Variants in SFMBT2 observed in about 807,000 individuals in gnomAD.
SFMBT2 encodes the protein Scm like with four mbt domains 2.
SFMBT2 carries 38 observed loss-of-function variants against 110.1 expected under a neutral mutation model. The observed-to-expected ratio is 0.35, with a 90% CI of 0.27 to 0.45. The LOEUF is 0.45. Ranked by LOEUF, SFMBT2 falls within the 20% of genes least tolerant of loss-of-function variation. The pLI is 1.00. For missense variants in SFMBT2, 1,011 were observed against 1,094.9 expected (o/e 0.92, Z 1.08); for synonymous variants, 425 against 425.4 (o/e 1.00, Z 0.01).
intron 4 of SFMBT2, among the ~76,000 whole-genome samples, chr10:7,309,635 T>C (rs1479102240): frequency 6.6e-6 from 1 of 150,974 alleles, no homozygotes; most frequent in Non-Finnish European, 1.5e-5. Flanking sequence ...TGTGCTGACC[T>C]GTCGCAGCAG....
chr10:7,207,183 C>T (rs995638387), intron 11 of SFMBT2, among the ~76,000 whole-genome samples: 7 of 151,982 alleles, frequency 4.6e-5, no homozygotes, highest in Non-Finnish European at 8.8e-5. Flanking sequence ...AACATGAAGA[C>T]ACCTTGTCTC....
In SFMBT2 at chr10:7,367,934, C is replaced by A; in HGVS notation, c.196-45G>T. The A allele has an allele frequency of 1.3e-6, 2 of 1,592,756 alleles. No individual in the cohort carries two copies. Among genetic ancestry groups the A allele is most frequent in the African/African-American group, 1.3e-5 (1 of 74,178 alleles). Reference sequence around the variant, plus strand: ...AGAAAACCCATTACTACACTAGACACAATACATCCAGAAGATGACAAAAAC... The same window carrying A: ...AGAAAACCCATTACTACACTAGACAAAATACATCCAGAAGATGACAAAAAC... On this transcript the variant is annotated intron_variant, in intron 3 of 20. Transcript: ENST00000397167. This position sits in a 1 kb window ranked among gnomAD's most constrained non-coding sequence, Gnocchi z 6.2.
chr10:7,386,732 G>C (rs1845617673), intron 1 of SFMBT2, among the ~76,000 whole-genome samples: 1 of 152,204 alleles, frequency 6.6e-6, no homozygotes, highest in South Asian at 2.1e-4. Context: ...CCAAAGAGAA[G>C]AAATGGAAGT....
chr10:7,346,767 C>T (rs1023425248), intron 4 of SFMBT2, among the ~76,000 whole-genome samples: 8 of 145,884 alleles, frequency 5.5e-5, no homozygotes, highest in Admixed American at 1.4e-4. Context: ...GTCAAGAGTT[C>T]GAGACCAGCC....
At chr10:7,277,284 C>T (rs1745073199) in intron 6 of SFMBT2, 1 of 159,344 alleles carries the variant, frequency 6.3e-6, no homozygotes, top group African/African-American at 2.4e-5. Context: ...GTATTAATCA[C>T]ATTAGCAAAA....
chr10:7,386,879 A>C (rs1306720054), intron 1 of SFMBT2, among the ~76,000 whole-genome samples: 2 of 152,186 alleles, frequency 1.3e-5, no homozygotes, highest in Non-Finnish European at 2.9e-5. Context: ...CCCATCTTAC[A>C]GATAAGCAAC....
chr10:7,374,290 C>T (rs559553608), intron 2 of SFMBT2, among the ~76,000 whole-genome samples: 12 of 152,094 alleles, frequency 7.9e-5, no homozygotes, highest in African/African-American at 2.2e-4. Flanking sequence ...AAAGGAAACA[C>T]GCACATTGAG....
intron 20 of SFMBT2, among the ~76,000 whole-genome samples, chr10:7,167,493 C>T (rs765498499): frequency 2.6e-5 from 4 of 152,136 alleles, no homozygotes; most frequent in Admixed American, 6.5e-5. Flanking sequence ...GTGCACATAG[C>T]GATGACCATG....
chr10:7,361,787 C>T (rs915817286), intron 4 of SFMBT2, among the ~76,000 whole-genome samples: 17 of 152,158 alleles, frequency 1.1e-4, no homozygotes, highest in Non-Finnish European at 1.8e-4. Context: ...CTCATAAATA[C>T]GTCTCCATTT....
intron 4 of SFMBT2, among the ~76,000 whole-genome samples, chr10:7,317,458 A>G (rs1026159671): frequency 6.6e-6 from 1 of 152,090 alleles, no homozygotes; most frequent in African/African-American, 2.4e-5. Flanking sequence ...GCCGACTAAC[A>G]TGGAGAAACC....
chr10:7,381,805 C>A lies in SFMBT2; in HGVS notation c.94G>T (p.Asp32Tyr), dbSNP rs764674884. Residue 32 changes from aspartate (D) to tyrosine (Y), a missense_variant, in exon 2 of 21, where the codon GAT (aspartate) becomes TAT (tyrosine). Transcript: ENST00000397167. ...LGSANGNGDL[D>Y]SEEGSSLEET... ...CTCGAAAACAAAATCCTACCAGAAT[C>A]AAGGTCTCCATTTCCATTAGCTGAG... 1.9e-5 allele frequency: 30 copies of A among 1,612,942 alleles called. No individual in the cohort carries two copies. The highest frequency in any genetic ancestry group is 2.0e-5 in the Non-Finnish European group (24 of 1,179,510).
chr10:7,372,500 G>GACCGA (rs1312541387), intron 2 of SFMBT2, among the ~76,000 whole-genome samples: 1 of 152,194 alleles, frequency 6.6e-6, no homozygotes, highest in Admixed American at 6.5e-5. Context: ...CCCACCCAGG[G>GACCGA]ATTGACGCCC....
At chr10:7,257,375 G>A (rs1841051448) in intron 7 of SFMBT2, among the ~76,000 whole-genome samples, 1 of 152,148 alleles carries the variant, frequency 6.6e-6, no homozygotes, top group Admixed American at 6.5e-5. Flanking sequence ...CCTTGCCAGT[G>A]GTTGCTGTGC....
At chr10:7,378,236 G>T (rs1479210865) in intron 2 of SFMBT2, among the ~76,000 whole-genome samples, 2 of 19,494 alleles carry the variant, frequency 1.0e-4, no homozygotes, top group African/African-American at 4.7e-4. Context: ...TGTGAGTGTG[G>T]GTGTGTGTGG....
In SFMBT2 at chr10:7,367,692, C is replaced by A. The variant is rs1392615391; in HGVS notation, c.393G>T (p.Val131=). 1 of 1,613,814 alleles carries A rather than the reference C, an allele frequency of 6.2e-7. No homozygotes were observed. The highest frequency in any genetic ancestry group is 8.5e-7 in the Non-Finnish European group (1 of 1,180,040). Residue 131 remains valine (V), a synonymous_variant, in exon 4 of 21, where the codon GTG becomes GTT. Coordinates refer to ENST00000397167, the MANE Select transcript of SFMBT2 (RefSeq NM_001387889.1). This position sits in a 1 kb window ranked among gnomAD's most constrained non-coding sequence, Gnocchi z 6.2. ...CCTTGTTGTTCTGTGTGCACCACCC[C>A]ACGGGGTGCAAATCCGCGATGACTA... is the stretch of plus-strand genomic sequence containing the variant. The part of the protein sequence containing the change: ...CDVVIADLHP[V]GWCTQNNKVL...
chr10:7,246,748 G>A (rs1285291041), intron 8 of SFMBT2, among the ~76,000 whole-genome samples: 1 of 147,972 alleles, frequency 6.8e-6, no homozygotes, highest in African/African-American at 2.5e-5. Flanking sequence ...AAAGAATGGT[G>A]AGAGACGCTA....
intron 1 of SFMBT2, among the ~76,000 whole-genome samples, chr10:7,393,388 A>G (rs916811890): frequency 3.3e-5 from 5 of 152,158 alleles, no homozygotes; most frequent in Admixed American, 1.3e-4. Context: ...CTTTCATTCA[A>G]TAAGAAAAGT....
At chr10:7,290,997 A>G (rs1429018487) in intron 4 of SFMBT2, among the ~76,000 whole-genome samples, 1 of 152,224 alleles carries the variant, frequency 6.6e-6, no homozygotes, top group Non-Finnish European at 1.5e-5. Context: ...GTCACCTCTC[A>G]GGGACGTGAC....
chr10:7,230,008 C>T (rs573273876), intron 9 of SFMBT2, among the ~76,000 whole-genome samples: 2 of 120,792 alleles, frequency 1.7e-5, no homozygotes, highest in East Asian at 3.0e-4. Context: ...TGAGCCACCC[C>T]GCCCAGCCCT....
Sources: gnomAD v4.1 joint callset for allele counts (sites outside exome capture counted in the v4.1 genomes callset) on GRCh38, gnomAD v4.1.1 for gene constraint, Gnocchi (gnomAD v3.1) non-coding constraint, MANE v1.5 for transcripts, NCBI Gene and HGNC (gene_info 2026-07-23, HGNC 2026-07-21) for gene names.